Variants in FAM149B1 observed in about 807,000 individuals in gnomAD.
The protein encoded by FAM149B1 is primary cilium assembly protein FAM149B1.
FAM149B1 carries 56 observed loss-of-function variants against 75.3 expected under a neutral mutation model. The observed-to-expected ratio is 0.74, with a 90% CI of 0.60 to 0.93. The LOEUF (loss-of-function observed/expected upper bound fraction) is 0.93. FAM149B1 is among the 40% of genes least tolerant of loss of function. The probability of loss-of-function intolerance (pLI) is 0.00; values close to 1 mark genes in which losing one functional copy is unlikely to be tolerated. For synonymous variants in FAM149B1, 259 were observed against 256.1 expected, an observed-to-expected ratio of 1.01 and a Z score of -0.11; for missense variants, 639 against 708.4, an observed-to-expected ratio of 0.90 and a Z score of 1.11.
intron 1 of FAM149B1, among the ~76,000 whole-genome samples, chr10:73,171,973 G>A (rs7917179): frequency 0.16 from 23,980 of 151,990 alleles, 3,152 homozygotes; most frequent in African/African-American, 0.34. Context: ...GTGAAATAAC[G>A]AAAGCAAAAC....
rs762316170 is a variant in FAM149B1, at chr10:73,168,308, TGAGGAGGAGGAG to T, written c.-11_1del. On this transcript the variant is annotated 5_prime_UTR_variant, in exon 1 of 14. Transcript: ENST00000242505. ...CTGGCGTGCCTGCCCCGGCCGCGGC[TGAGGAGGAGGAG>T]GAGGAGGAGGAGGAGGAGGATGATC... 291 of 1,532,900 alleles carry T rather than the reference TGAGGAGGAGGAG, an allele frequency of 1.9e-4. No individual in the cohort carries two copies. The highest frequency in any genetic ancestry group is 1.9e-3 in the African/African-American group (133 of 71,770). The allele number at this position is 1,532,900 out of a possible 1,614,324, so 95.0% of individuals were successfully genotyped here.
At position 73,244,046 on chromosome 10, in the gene FAM149B1, A is replaced by T; in HGVS notation, c.*3027A>T. On this transcript the variant is annotated 3_prime_UTR_variant, in exon 14 of 14. Transcript: ENST00000242505. ...ATTTTATGAATATATGAATAGACAAAATGAATCGAATTACATAACTATGTC... is the reference window on the plus strand; with the variant it reads ...ATTTTATGAATATATGAATAGACAATATGAATCGAATTACATAACTATGTC... The T allele has an allele frequency of 1.3e-6, 1 of 758,678 alleles. No individual in the cohort carries two copies. The highest frequency in any genetic ancestry group is 1.8e-5 in the South Asian group (1 of 55,424). The allele number at this position is 758,678 out of a possible 1,614,324, so 47.0% of individuals were successfully genotyped here.
intron 1 of FAM149B1, among the ~76,000 whole-genome samples, chr10:73,171,764 G>T (rs1378566034): frequency 6.6e-6 from 1 of 151,942 alleles, no homozygotes; most frequent in East Asian, 1.9e-4. Flanking sequence ...GAGTAGCTGG[G>T]ACTACAGGTG....
intron 5 of FAM149B1, among the ~76,000 whole-genome samples, chr10:73,203,693 G>A (rs1042763574): frequency 2.0e-5 from 3 of 150,858 alleles, no homozygotes; most frequent in African/African-American, 7.4e-5. Context: ...AGGCTGAAGT[G>A]CAGTGGCACA....
Position 73,168,351 on chromosome 10 carries a change from A to G in FAM149B1, c.12A>G (p.Arg4=). The part of the protein sequence containing the change: MIS[R]YTRKAVPQSL... Reference sequence around the variant, plus strand: ...GGAGGAGGAGGAGGATGATCTCCAGATACACTCGGAAGGCGGTGCCACAGA... The same window carrying G: ...GGAGGAGGAGGAGGATGATCTCCAGGTACACTCGGAAGGCGGTGCCACAGA... Residue 4 remains arginine, a synonymous_variant, in exon 1 of 14, where the codon AGA becomes AGG. Coordinates refer to ENST00000242505, the MANE Select transcript of FAM149B1 (RefSeq NM_173348.2). The G allele has an allele frequency of 6.5e-7, 1 of 1,549,758 alleles. No homozygotes were observed. Among genetic ancestry groups the G allele is most frequent in the Non-Finnish European group, 8.7e-7 (1 of 1,146,780 alleles).
Position 73,206,871 on chromosome 10 carries a change from C to T in FAM149B1, c.543-1748C>T, listed in dbSNP as rs547190343. ...TGGAGGTTGCGGTGAGCTGAGATCA[C>T]GCCACTGCAGTCCAGCTTGGGTGAT... is the stretch of plus-strand genomic sequence containing the variant. On this transcript the variant is annotated intron_variant, in intron 5 of 13. Transcript: ENST00000242505. 2.7e-4 allele frequency among the ~76,000 whole-genome samples: 41 copies of T among 152,190 alleles called. No individual in the cohort carries two copies. In the East Asian group the frequency reaches 5.8e-3, roughly 22 times the overall value.
At chr10:73,176,838 C>T (rs1490679123) in intron 2 of FAM149B1, among the ~76,000 whole-genome samples, 1 of 151,700 alleles carries the variant, frequency 6.6e-6, no homozygotes, top group African/African-American at 2.4e-5. Context: ...ACCAGCCTGG[C>T]CAACATGGCA....
At chr10:73,174,428 C>G (rs1589132357) in intron 1 of FAM149B1, among the ~76,000 whole-genome samples, 1 of 147,796 alleles carries the variant, frequency 6.8e-6, no homozygotes, top group Admixed American at 6.6e-5. Context: ...TATATTTTAA[C>G]AACCCAATAT....
rs1324124753 is a variant in FAM149B1, at chr10:73,177,973, G to A, written c.280G>A (p.Gly94Ser). The A allele has an allele frequency of 6.5e-7, 1 of 1,548,778 alleles. No homozygotes were observed. The highest frequency in any genetic ancestry group is 8.7e-7 in the Non-Finnish European group (1 of 1,146,254). The change falls in exon 3 of 14, where the codon GGT (glycine) becomes AGT (serine). Residue 94 changes from glycine (G) to serine (S), a missense_variant and splice_region_variant. Physicochemically the swap from Gly to Ser is moderately conservative, Grantham distance 56. Transcript: ENST00000242505. Reference protein sequence around the residue: ...EGSSDFSWGYGELDQNATEKV... With the variant: ...EGSSDFSWGYSELDQNATEKV... ...AAGCTCGGACTTCTCCTGGGGATAT[G>A]GTGTGAGTTATATGTTATCAGTCTG...
At chr10:73,216,552 G>T (rs1401771143) in intron 7 of FAM149B1, among the ~76,000 whole-genome samples, 2 of 152,154 alleles carry the variant, frequency 1.3e-5, no homozygotes, top group Admixed American at 6.5e-5. Context: ...ATGACCTTGT[G>T]ACCACAGAGG....
At position 73,242,247 on chromosome 10, in the gene FAM149B1, G is replaced by A. The variant is rs74699596; in HGVS notation, c.*1228G>A. 32 of 152,064 alleles carry A rather than the reference G, an allele frequency of 2.1e-4. No homozygotes were observed. The East Asian group carries it at 5.6e-3, about 27-fold the overall frequency. The allele number at this position is 152,064 out of a possible 1,614,324, so 9.4% of individuals were successfully genotyped here. On this transcript the variant is annotated 3_prime_UTR_variant, in exon 14 of 14. Transcript: ENST00000242505. ...AGCTAAAGGCTTACTTTATGCATAC[G>A]GTATATTTAATAGTCTACAAATCAA...
intron 7 of FAM149B1, among the ~76,000 whole-genome samples, chr10:73,216,846 T>C (rs556025879): frequency 1.3e-5 from 2 of 152,314 alleles, no homozygotes; most frequent in South Asian, 4.1e-4. Context: ...TTAAAGTGTG[T>C]TATAAGTTCT....
chr10:73,210,220 A>T (rs2043157339), intron 6 of FAM149B1, 31 bp from the exon 7 acceptor site: 1 of 1,486,978 alleles, frequency 6.7e-7, no homozygotes, highest in African/African-American at 1.4e-5. Flanking sequence ...CTTCAGCATC[A>T]TGAAGTCTTT....
intron 2 of FAM149B1, among the ~76,000 whole-genome samples, chr10:73,177,194 A>AC (rs1844006864): frequency 6.6e-6 from 1 of 152,002 alleles, no homozygotes; most frequent in Non-Finnish European, 1.5e-5. Flanking sequence ...ACAGAGCGAG[A>AC]CCCCATCTCA....
At chr10:73,204,879 G>A (rs1284740806) in intron 5 of FAM149B1, among the ~76,000 whole-genome samples, 2 of 124,934 alleles carry the variant, frequency 1.6e-5, no homozygotes, top group Non-Finnish European at 3.2e-5. Flanking sequence ...CTGGGTTCAC[G>A]CCATTTTCCT....
At chr10:73,228,348 A>G (rs1378221954) in intron 8 of FAM149B1, among the ~76,000 whole-genome samples, 164 bp downstream of exon 8, 5 of 152,192 alleles carry the variant, frequency 3.3e-5, no homozygotes, top group Admixed American at 2.6e-4. Flanking sequence ...GTTTGTTTAA[A>G]ATATTAATAG....
At chr10:73,175,875 A>G (rs1484106024) in intron 2 of FAM149B1, among the ~76,000 whole-genome samples, 5 of 152,134 alleles carry the variant, frequency 3.3e-5, no homozygotes, top group African/African-American at 7.2e-5. Context: ...ATAATAGTGT[A>G]TCTTATAGCA....
Position 73,242,276 on chromosome 10 carries a change from T to C in FAM149B1, c.*1257T>C, listed in dbSNP as rs947276225. On this transcript the variant is annotated 3_prime_UTR_variant, in exon 14 of 14. Coordinates refer to ENST00000242505, the MANE Select transcript of FAM149B1 (RefSeq NM_173348.2). The stretch of plus-strand genomic sequence containing the variant: ...TATTTAATAGTCTACAAATCAAAGA[T>C]TTAAACAGTCCCTTAAAAATTCCAT... 2 of 152,208 alleles carry C rather than the reference T, an allele frequency of 1.3e-5. No individual in the cohort carries two copies. Among genetic ancestry groups the C allele is most frequent in the Non-Finnish European group, 2.9e-5 (2 of 68,038 alleles). The allele number at this position is 152,208 out of a possible 1,614,324, so 9.4% of individuals were successfully genotyped here. A position where few individuals can be genotyped will look rare whatever the true frequency, so the allele number is the denominator to read the frequency against.
intron 7 of FAM149B1, among the ~76,000 whole-genome samples, chr10:73,212,235 T>C (rs1434197115): frequency 2.0e-5 from 3 of 152,246 alleles, no homozygotes; most frequent in Non-Finnish European, 4.4e-5. Context: ...GCTGATTCCA[T>C]ATCTTTGCTA....
Sources: allele counts gnomAD v4.1 joint callset (sites outside exome capture counted in the v4.1 genomes callset), GRCh38; gene constraint gnomAD v4.1.1; transcripts MANE v1.5; gene names NCBI Gene and HGNC (gene_info 2026-07-23, HGNC 2026-07-21).